SH3GL2: variants seen among roughly 807,000 people sequenced by gnomAD.
SH3GL2 encodes endophilin-A1.
Under a neutral mutation model 46.0 loss-of-function variants are expected in SH3GL2, and 24 were observed. The observed-to-expected ratio is 0.52, with a 90% confidence interval of 0.38 to 0.73. The LOEUF is 0.73. Among genes scored for constraint, SH3GL2 ranks in the 30% least tolerant of loss-of-function variants. SH3GL2 has a pLI of 0.00. For missense variants in SH3GL2, 413 were observed against 424.2 expected (o/e 0.97, Z 0.23); for synonymous variants, 196 against 147.1 (o/e 1.33, Z -2.40).
intron 3 of SH3GL2, among the ~76,000 whole-genome samples, chr9:17,776,862 C>T (rs773636268): frequency 1.6e-4 from 25 of 152,106 alleles, no homozygotes; most frequent in Non-Finnish European, 3.5e-4. Context: ...TGGCCATTTT[C>T]AAGCTACCAG....
chr9:17,735,999 T>A (rs1822324283), intron 1 of SH3GL2, among the ~76,000 whole-genome samples: 1 of 152,066 alleles, frequency 6.6e-6, no homozygotes, highest in South Asian at 2.1e-4. Context: ...CTCGTTTGAT[T>A]CAGCATAAGC....
intron 1 of SH3GL2, among the ~76,000 whole-genome samples, chr9:17,625,022 C>T (rs1337730213): frequency 6.6e-6 from 1 of 152,158 alleles, no homozygotes. Flanking sequence ...TGTTTGTAAA[C>T]CTTGGCTAGA....
At chr9:17,680,723 G>A (rs959523485) in intron 1 of SH3GL2, among the ~76,000 whole-genome samples, 15 of 152,014 alleles carry the variant, frequency 9.9e-5, no homozygotes, top group African/African-American at 2.9e-4. Context: ...TGTGATGTTA[G>A]GGTGTGAATT....
chr9:17,700,310 C>T (rs950434049), intron 1 of SH3GL2, among the ~76,000 whole-genome samples: 11 of 152,254 alleles, frequency 7.2e-5, no homozygotes, highest in African/African-American at 2.4e-4. Flanking sequence ...TTTTCTCAGC[C>T]TTCCAACCCT....
At chr9:17,635,609 G>T (rs1180319797) in intron 1 of SH3GL2, among the ~76,000 whole-genome samples, 1 of 152,182 alleles carries the variant, frequency 6.6e-6, no homozygotes, top group Non-Finnish European at 1.5e-5. Flanking sequence ...GGTTCGGGAT[G>T]CACTGTTCTT....
chr9:17,761,270 G>A (rs1823162381), intron 2 of SH3GL2, among the ~76,000 whole-genome samples, 167 bp from the exon 3 acceptor site: 1 of 152,194 alleles, frequency 6.6e-6, no homozygotes, highest in Admixed American at 6.5e-5. Context: ...CCACTGCTGA[G>A]TACAGTGTCA....
At chr9:17,794,792 C>G (rs543082660) in intron 8 of SH3GL2, among the ~76,000 whole-genome samples, 29 of 152,226 alleles carry the variant, frequency 1.9e-4, no homozygotes, top group African/African-American at 7.0e-4. Flanking sequence ...TGCCATAGCT[C>G]CAGTGCACTG....
intron 1 of SH3GL2, among the ~76,000 whole-genome samples, chr9:17,742,715 C>T (rs777402450): frequency 3.3e-5 from 5 of 152,134 alleles, no homozygotes; most frequent in African/African-American, 4.8e-5. Context: ...GTTTGGAATA[C>T]AGAGTGTATG....
intron 1 of SH3GL2, among the ~76,000 whole-genome samples, chr9:17,652,325 T>G (rs1358798884): frequency 1.3e-5 from 2 of 151,998 alleles, no homozygotes; most frequent in African/African-American, 2.4e-5. Flanking sequence ...TTCATTATTA[T>G]TTTTACATAT....
chr9:17,755,668 G>A (rs891218695), intron 2 of SH3GL2: 5 of 380,572 alleles, frequency 1.3e-5, no homozygotes, highest in Non-Finnish European at 1.8e-5. Context: ...AGGTGTCTAT[G>A]TTTTTCTTAA....
intron 3 of SH3GL2, among the ~76,000 whole-genome samples, chr9:17,772,736 T>G (rs1823523914): frequency 6.6e-6 from 1 of 152,228 alleles, no homozygotes; most frequent in Non-Finnish European, 1.5e-5. Flanking sequence ...TTTATATAGA[T>G]TCACCTGTTG....
chr9:17,706,229 C>T (rs533146377), intron 1 of SH3GL2, among the ~76,000 whole-genome samples: 14 of 152,174 alleles, frequency 9.2e-5, no homozygotes, highest in Admixed American at 3.3e-4. Flanking sequence ...GTCATGATCC[C>T]AGTGCCTTTT....
chr9:17,720,719 T>C (rs1435802167), intron 1 of SH3GL2, among the ~76,000 whole-genome samples: 1 of 152,110 alleles, frequency 6.6e-6, no homozygotes, highest in Non-Finnish European at 1.5e-5. Flanking sequence ...TAAGGAAACG[T>C]AAGAAAAATG....
At chr9:17,612,292 G>T (rs1588172451) in intron 1 of SH3GL2, among the ~76,000 whole-genome samples, 1 of 152,100 alleles carries the variant, frequency 6.6e-6, no homozygotes, top group Non-Finnish European at 1.5e-5. Flanking sequence ...TAGTAGCTCT[G>T]GTCAGATTTT....
At chr9:17,649,917 A>C (rs552791517) in intron 1 of SH3GL2, among the ~76,000 whole-genome samples, 33 of 152,232 alleles carry the variant, frequency 2.2e-4, no homozygotes, top group Non-Finnish European at 3.8e-4. Context: ...AATGGTGTTT[A>C]GTATATCTAG....
intron 1 of SH3GL2, among the ~76,000 whole-genome samples, chr9:17,691,641 G>A (rs148788762): frequency 6.6e-6 from 1 of 152,166 alleles, no homozygotes; most frequent in African/African-American, 2.4e-5. Context: ...AAATTGAGTT[G>A]CTTTCTTCTA....
intron 1 of SH3GL2, among the ~76,000 whole-genome samples, chr9:17,598,195 A>G (rs1818608882): frequency 6.6e-6 from 1 of 152,190 alleles, no homozygotes; most frequent in African/African-American, 2.4e-5. Context: ...AGCTGACGTC[A>G]TTCAAAAAGT....
chr9:17,789,639 A>T (rs73424588), intron 6 of SH3GL2, 89 bp downstream of exon 6: 310 of 1,569,542 alleles, frequency 2.0e-4, no homozygotes, highest in Non-Finnish European at 2.5e-4. Flanking sequence ...AAGCATTAAT[A>T]TCTGATTACA....
At chr9:17,792,689 A>G (rs1308417009) in intron 7 of SH3GL2, among the ~76,000 whole-genome samples, 4 of 152,070 alleles carry the variant, frequency 2.6e-5, no homozygotes, top group African/African-American at 9.7e-5. Flanking sequence ...TCACATTTTC[A>G]TCTGGAAACA....
Sources: gnomAD v4.1 joint callset for allele counts (sites outside exome capture counted in the v4.1 genomes callset) on GRCh38, gnomAD v4.1.1 for gene constraint, MANE v1.5 for transcripts, NCBI Gene and HGNC (gene_info 2026-07-23, HGNC 2026-07-21) for gene names.